Variants in FGF13 observed in about 807,000 individuals in gnomAD.
FGF13 encodes the protein fibroblast growth factor 13.
FGF13 carries 2 observed loss-of-function variants against 19.5 expected under a neutral mutation model. The ratio of observed to expected loss-of-function variants is 0.10; its 90% CI spans 0.04 to 0.32. The LOEUF is 0.32. Ranked by LOEUF, FGF13 falls within the 10% of genes least tolerant of loss-of-function variation. The pLI is 1.00. For synonymous variants in FGF13, 72 were observed against 76.9 expected (o/e 0.94, Z 0.33); for missense variants, 113 against 192.7 (o/e 0.59, Z 2.45).
chrX:138,752,895 A>G (rs2090407539), intron 3 of FGF13, among the ~76,000 whole-genome samples: 1 of 112,316 alleles, frequency 8.9e-6, no homozygotes, highest in Non-Finnish European at 1.9e-5. Flanking sequence ...AATCAAAGGT[A>G]TCTATGTTTG....
chrX:139,032,916 G>A (rs1224966373), intron 1 of FGF13, among the ~76,000 whole-genome samples: 1 of 107,086 alleles, frequency 9.3e-6, no homozygotes, highest in Non-Finnish European at 1.9e-5. Context: ...ATGGACTTTC[G>A]GTTCTTCTTT....
At chrX:139,052,309 C>G (rs911000488) in intron 1 of FGF13, among the ~76,000 whole-genome samples, 12 of 111,536 alleles carry the variant, frequency 1.1e-4, no homozygotes, top group African/African-American at 3.3e-4. Context: ...CCATCAAGGT[C>G]AAGACAGTTT....
At chrX:138,991,661 C>G (rs1328347244) in intron 1 of FGF13, among the ~76,000 whole-genome samples, 1 of 112,148 alleles carries the variant, frequency 8.9e-6, no homozygotes, top group Non-Finnish European at 1.9e-5. Flanking sequence ...CATTTTGACA[C>G]TCCCTGAACA....
chrX:138,899,479 C>T (rs901523688), intron 1 of FGF13, among the ~76,000 whole-genome samples: 5 of 110,947 alleles, frequency 4.5e-5, no homozygotes, highest in Non-Finnish European at 5.7e-5. Context: ...CCAGCCATAT[C>T]GGCACAATTC....
chrX:138,883,387 T>A (rs1230004651), intron 1 of FGF13, among the ~76,000 whole-genome samples: 1 of 111,322 alleles, frequency 9.0e-6, no homozygotes, highest in African/African-American at 3.3e-5. Flanking sequence ...AAAGAAAGCT[T>A]TTCTTCAGGT....
At chrX:138,846,168 T>C (rs1263817510) in intron 3 of FGF13, among the ~76,000 whole-genome samples, 1 of 101,808 alleles carries the variant, frequency 9.8e-6, no homozygotes, top group Non-Finnish European at 2.0e-5. Flanking sequence ...CTATTTTAAA[T>C]AGTAATATGT....
intron 3 of FGF13, among the ~76,000 whole-genome samples, chrX:138,781,176 G>C (rs2090638667): frequency 9.0e-6 from 1 of 110,813 alleles, no homozygotes; most frequent in African/African-American, 3.3e-5. Context: ...AGCGTGTAGA[G>C]GGAAATTTAT....
At chrX:139,008,455 A>T (rs965735346) in intron 1 of FGF13, among the ~76,000 whole-genome samples, 5 of 112,287 alleles carry the variant, frequency 4.5e-5, no homozygotes, top group African/African-American at 1.6e-4. Flanking sequence ...CTTCCCTGCT[A>T]CCTCTACCTT....
chrX:139,097,951 G>T (rs1271389580), intron 1 of FGF13, among the ~76,000 whole-genome samples: 1 of 112,199 alleles, frequency 8.9e-6, no homozygotes, highest in African/African-American at 3.2e-5. Context: ...AAGCTATATG[G>T]TAAATACATG....
intron 1 of FGF13, among the ~76,000 whole-genome samples, chrX:139,134,757 T>TC (rs200776027): frequency 0.016 from 1,812 of 112,280 alleles, 29 homozygotes; most frequent in African/African-American, 0.054. Flanking sequence ...CAAACAGTTC[T>TC]CCTGCCTCAG....
intron 1 of FGF13, among the ~76,000 whole-genome samples, chrX:139,196,395 A>G (rs2084371831): frequency 8.9e-6 from 1 of 111,842 alleles, no homozygotes; most frequent in African/African-American, 3.3e-5. Flanking sequence ...AGTGAGATGC[A>G]CATCGGAAAG....
At chrX:138,677,771 T>C (rs374524335) in intron 3 of FGF13, among the ~76,000 whole-genome samples, 2 of 112,448 alleles carry the variant, frequency 1.8e-5, no homozygotes, top group African/African-American at 3.2e-5. Flanking sequence ...GTCAGTGTGG[T>C]GATTCCTCAG....
chrX:139,156,652 G>C (rs895822580), intron 1 of FGF13, among the ~76,000 whole-genome samples: 2 of 111,827 alleles, frequency 1.8e-5, no homozygotes, highest in African/African-American at 6.5e-5. Context: ...AATAATCAAG[G>C]GAGCTTATGA....
At chrX:138,873,550 T>C (rs2091369588) in intron 1 of FGF13, among the ~76,000 whole-genome samples, 1 of 111,732 alleles carries the variant, frequency 8.9e-6, no homozygotes, top group Non-Finnish European at 1.9e-5. Context: ...TGGAGTAATG[T>C]CCACACTGGG....
At chrX:139,010,655 G>A (rs1053238905) in intron 1 of FGF13, among the ~76,000 whole-genome samples, 1 of 111,053 alleles carries the variant, frequency 9.0e-6, no homozygotes, top group Admixed American at 9.6e-5. Context: ...CAGCAAATGC[G>A]GTGCTAAGAG....
chrX:138,728,663 C>G (rs953872084), intron 1 of FGF13, among the ~76,000 whole-genome samples: 1 of 110,639 alleles, frequency 9.0e-6, no homozygotes, highest in Non-Finnish European at 1.9e-5. Flanking sequence ...GACCTCCTCT[C>G]CCAGTCCTAG....
chrX:138,756,553 G>T (rs552386587), intron 3 of FGF13, among the ~76,000 whole-genome samples: 1 of 112,535 alleles, frequency 8.9e-6, no homozygotes, highest in Non-Finnish European at 1.9e-5. Flanking sequence ...TAAGCAACGG[G>T]CCCAAATAAA....
In FGF13 at chrX:138,709,937, C is replaced by G. The variant is rs112904847; in HGVS notation, c.187+880G>C. 7.3e-3 allele frequency among the ~76,000 whole-genome samples: 814 copies of G among 111,342 alleles called. 5 individuals are homozygous for G. The highest frequency in any genetic ancestry group is 0.026 in the African/African-American group (785 of 30,614). ...ACACATAAATGGAGAAATAACAGAT[C>G]GGTGACTCTTATTTTTTTTGTAATA... On this transcript the variant is annotated intron_variant, in intron 1 of 4. Coordinates refer to ENST00000315930, the MANE Select transcript of FGF13 (RefSeq NM_004114.5).
chrX:138,797,996 C>T (rs1430378326), intron 3 of FGF13, among the ~76,000 whole-genome samples: 3 of 111,702 alleles, frequency 2.7e-5, no homozygotes, highest in African/African-American at 3.3e-5. Context: ...GATACAATCA[C>T]GTCGTCTGCA....
Sources: gnomAD v4.1 joint callset for allele counts (sites outside exome capture counted in the v4.1 genomes callset) on GRCh38, gnomAD v4.1.1 for gene constraint, MANE v1.5 for transcripts, NCBI Gene and HGNC (gene_info 2026-07-23, HGNC 2026-07-21) for gene names.